The following PPP4R3B variants were observed in gnomAD, a reference collection of about 807,000 sequenced individuals.
PPP4R3B encodes protein phosphatase 4 regulatory subunit 3B.
In PPP4R3B, 52 loss-of-function variants were observed where a neutral mutation model predicts 95.4. The ratio of observed to expected loss-of-function variants is 0.54; its 90% CI spans 0.44 to 0.69. The LOEUF is 0.69. Among genes scored for constraint, PPP4R3B ranks in the 30% least tolerant of loss-of-function variants. PPP4R3B has a pLI of 0.00. For synonymous variants in PPP4R3B, 407 were observed against 343.9 expected (o/e 1.18, Z -2.03); for missense variants, 1,003 against 1,005.9 (o/e 1.00, Z 0.04).
At chr2:55,560,761 A>C (rs910366219) in intron 15 of PPP4R3B, among the ~76,000 whole-genome samples, 3 of 140,642 alleles carry the variant, frequency 2.1e-5, no homozygotes, top group African/African-American at 7.8e-5. Flanking sequence ...TGGGCAACAG[A>C]GAGAGACTCC....
chr2:55,563,781 A>G (rs938269752), intron 15 of PPP4R3B, among the ~76,000 whole-genome samples: 7 of 152,266 alleles, frequency 4.6e-5, no homozygotes, highest in Middle Eastern at 3.2e-3. Context: ...TTTGAAAGAT[A>G]TATTACTAGC....
intron 3 of PPP4R3B, among the ~76,000 whole-genome samples, chr2:55,600,216 C>A (rs548570608): frequency 1.3e-5 from 2 of 151,982 alleles, no homozygotes; most frequent in African/African-American, 2.4e-5. Flanking sequence ...CACCTGAGGT[C>A]AGGAGTTCAA....
chr2:55,591,584 T>C (rs890753409), intron 4 of PPP4R3B: 11 of 983,692 alleles, frequency 1.1e-5, no homozygotes, highest in Admixed American at 1.2e-4. Context: ...ACCTGAAAAT[T>C]TAATTTTTTC....
rs149192387 is a variant in PPP4R3B at position 55,598,482 on chromosome 2, C to A, written c.855G>T (p.Glu285Asp). ...AAGACGTAAGAGTAGAAAGAAAATTCTCTTCAAAAACAGATGGTGTGGGCA... is the reference window on the plus strand; with the variant it reads ...AAGACGTAAGAGTAGAAAGAAAATTATCTTCAAAAACAGATGGTGTGGGCA... ...IILPTPSVFEENFLSTLTSFI... is the reference protein window; with the variant it reads ...IILPTPSVFEDNFLSTLTSFI... The change falls in exon 4 of 17, where the codon GAG (glutamate) becomes GAT (aspartate). Residue 285 changes from glutamate to aspartate, a missense_variant. Glu to Asp is a conservative substitution (Grantham distance 45). This residue lies in a region of PPP4R3B where 695 missense variants were observed against 686.2 expected (regional missense o/e 1.01). Coordinates refer to ENST00000616407, the MANE Select transcript of PPP4R3B (RefSeq NM_001122964.3). 5.6e-6 allele frequency: 9 copies of A among 1,614,092 alleles called. No homozygotes were observed. Among genetic ancestry groups the A allele is most frequent in the East Asian group, 4.5e-5 (2 of 44,868 alleles).
At position 55,548,229 on chromosome 2, in the gene PPP4R3B, T is replaced by A. The variant is rs1684910007; in HGVS notation, c.*1682A>T. 2 of 152,580 alleles carry A rather than the reference T, an allele frequency of 1.3e-5. No individual in the cohort carries two copies. The allele number at this position is 152,580 out of a possible 1,614,324, so 9.5% of individuals were successfully genotyped here. On this transcript the variant is annotated 3_prime_UTR_variant, in exon 17 of 17. Transcript: ENST00000616407. ...GCCATTGACCCGCATTTGTTTAGAA[T>A]TATTTCATTAAAATTGGGGTATGAT...
intron 16 of PPP4R3B, among the ~76,000 whole-genome samples, chr2:55,552,189 T>C (rs1208841981): frequency 6.6e-6 from 1 of 152,092 alleles, no homozygotes; most frequent in East Asian, 1.9e-4. Context: ...AAATATGAAA[T>C]GTTGGAAGTA....
intron 15 of PPP4R3B, among the ~76,000 whole-genome samples, chr2:55,559,397 G>A (rs35968359): frequency 0.14 from 21,280 of 152,046 alleles, 1,701 homozygotes; most frequent in East Asian, 0.29. Flanking sequence ...AATTGCCTTT[G>A]TTTCCTAAGA....
At chr2:55,598,288 A>T in intron 4 of PPP4R3B, 128 bp downstream of exon 4, 1 of 944,232 alleles carries the variant, frequency 1.1e-6, no homozygotes, top group Non-Finnish European at 1.5e-6. Flanking sequence ...GTTTACTTTA[A>T]ATGTACTTAA....
At chr2:55,566,982 G>C (rs993036205) in intron 13 of PPP4R3B, among the ~76,000 whole-genome samples, 2 of 152,188 alleles carry the variant, frequency 1.3e-5, no homozygotes, top group African/African-American at 2.4e-5. Flanking sequence ...ACTCCAGCTT[G>C]GGCAACAGCA....
At chr2:55,612,639 A>G (rs559717850) in intron 2 of PPP4R3B, among the ~76,000 whole-genome samples, 1 of 152,104 alleles carries the variant, frequency 6.6e-6, no homozygotes, top group Non-Finnish European at 1.5e-5. Flanking sequence ...ATCTTTACAA[A>G]TTTTTTAAAA....
chr2:55,594,124 T>A (rs1426403185), intron 4 of PPP4R3B, among the ~76,000 whole-genome samples: 1 of 151,938 alleles, frequency 6.6e-6, no homozygotes, highest in Non-Finnish European at 1.5e-5. Context: ...AAGATGGAAA[T>A]AACAGACACT....
chr2:55,589,391 G>A (rs887314718), intron 4 of PPP4R3B, among the ~76,000 whole-genome samples: 5 of 152,172 alleles, frequency 3.3e-5, no homozygotes, highest in Admixed American at 1.3e-4. Flanking sequence ...AAAGGAGGCT[G>A]AATTCCGACA....
rs1467588029 is a variant in PPP4R3B at position 55,615,467 on chromosome 2, G to A, written c.182C>T (p.Ala61Val). 2 of 1,593,928 alleles carry A rather than the reference G, an allele frequency of 1.3e-6. No homozygotes were observed. The highest frequency in any genetic ancestry group is 1.1e-5 in the South Asian group (1 of 88,136). Residue 61 changes from alanine (A) to valine (V), a missense_variant, in exon 2 of 17, where the codon GCA becomes GTA. By Grantham distance (64) the Ala-to-Val change is moderately conservative. Coordinates refer to ENST00000616407, the MANE Select transcript of PPP4R3B (RefSeq NM_001122964.3). ...LLESKINPNT[A>V]YQKQQDTLIV... ...ACTACTTGCCTGTTGTTTCTGATAT[G>A]CAGTATTTGGATTTATCTTTGATTC...
At chr2:55,552,522 T>C (rs1308751731) in intron 16 of PPP4R3B, among the ~76,000 whole-genome samples, 3 of 152,182 alleles carry the variant, frequency 2.0e-5, no homozygotes, top group Non-Finnish European at 2.9e-5. Flanking sequence ...GCCACCCAAG[T>C]AGCTTGGGCT....
intron 2 of PPP4R3B, among the ~76,000 whole-genome samples, chr2:55,610,612 T>A (rs1309140670): frequency 2.0e-5 from 3 of 152,204 alleles, no homozygotes; most frequent in East Asian, 3.8e-4. Context: ...CTTTTTATAT[T>A]TTGTGTTGGC....
At chr2:55,610,411 T>C (rs1002730078) in intron 2 of PPP4R3B, among the ~76,000 whole-genome samples, 6 of 152,180 alleles carry the variant, frequency 3.9e-5, no homozygotes, top group East Asian at 1.9e-4. Context: ...ATATTTGGGA[T>C]TGGTGGTAGG....
At chr2:55,608,922 G>A (rs554214400) in intron 2 of PPP4R3B, among the ~76,000 whole-genome samples, 3 of 152,204 alleles carry the variant, frequency 2.0e-5, no homozygotes, top group Admixed American at 6.5e-5. Flanking sequence ...TCAAGGCTGC[G>A]TGAGACTTAA....
chr2:55,607,613 T>C (rs1693599044), intron 2 of PPP4R3B, among the ~76,000 whole-genome samples: 1 of 152,210 alleles, frequency 6.6e-6, no homozygotes, highest in Non-Finnish European at 1.5e-5. Context: ...AACTTCCACT[T>C]AGTTATCTGG....
intron 12 of PPP4R3B, among the ~76,000 whole-genome samples, chr2:55,572,802 A>G (rs565055151): frequency 6.6e-6 from 1 of 152,300 alleles, no homozygotes; most frequent in East Asian, 1.9e-4. Context: ...AGCAAAAACA[A>G]TCCTGTAATT....
Sources: allele counts gnomAD v4.1 joint callset (sites outside exome capture counted in the v4.1 genomes callset), GRCh38; gene constraint gnomAD v4.1.1; regional missense constraint gnomAD v4.1.1; transcripts MANE v1.5; gene names NCBI Gene and HGNC (gene_info 2026-07-23, HGNC 2026-07-21).